The following ACOT11 variants were observed in gnomAD, a reference collection of about 807,000 sequenced individuals.
ACOT11 encodes the protein acyl-coenzyme A thioesterase 11.
A neutral mutation model predicts 77.5 loss-of-function variants in ACOT11; 69 were observed. The ratio of observed to expected loss-of-function variants is 0.89; its 90% CI spans 0.73 to 1.09. ACOT11 has a LOEUF of 1.09. Among genes scored for constraint, ACOT11 ranks in the 50% least tolerant of loss-of-function variants. ACOT11 has a pLI of 0.00. For synonymous variants in ACOT11, 279 were observed against 313.0 expected (o/e 0.89, Z 1.15); for missense variants, 766 against 813.7 (o/e 0.94, Z 0.71).
At chr1:54,560,699 A>G (rs1326280914) in intron 1 of ACOT11, among the ~76,000 whole-genome samples, 3 of 151,502 alleles carry the variant, frequency 2.0e-5, no homozygotes, top group Non-Finnish European at 4.4e-5. Context: ...AGCAACCAAA[A>G]GAACAATGTG....
chr1:54,623,142 A>T, intron 15 of ACOT11: 1 of 625,344 alleles, frequency 1.6e-6, no homozygotes, highest in Non-Finnish European at 2.8e-6. Context: ...GTGCCATTGT[A>T]CTCCAGCCTG....
intron 3 of ACOT11, among the ~76,000 whole-genome samples, chr1:54,592,340 C>T (rs1165329972): frequency 6.6e-6 from 1 of 152,224 alleles, no homozygotes; most frequent in Admixed American, 6.5e-5. Flanking sequence ...CTCTCAGCCT[C>T]AGCTTAACCA....
downstream of ACOT11, chr1:54,610,392 G>A: frequency 6.2e-7 from 1 of 1,610,694 alleles, no homozygotes; most frequent in Middle Eastern, 1.7e-4. Flanking sequence ...GGAGCACCGG[G>A]GCTGAAGGGT....
chr1:54,551,482 G>A (rs766403864), intron 1 of ACOT11, among the ~76,000 whole-genome samples: 11 of 152,156 alleles, frequency 7.2e-5, no homozygotes, highest in African/African-American at 2.7e-4. Context: ...GCCTCTCCCC[G>A]TGGAGAGCTC....
intron 11 of ACOT11, 113 bp downstream of exon 11, chr1:54,604,050 C>A: frequency 2.0e-6 from 2 of 987,418 alleles, no homozygotes; most frequent in Non-Finnish European, 3.2e-6. Flanking sequence ...ATGAATGACA[C>A]GCCTCATGAT....
At chr1:54,604,846 A>G (rs567667679) in intron 12 of ACOT11, among the ~76,000 whole-genome samples, 36 of 152,284 alleles carry the variant, frequency 2.4e-4, no homozygotes, top group African/African-American at 6.5e-4. Flanking sequence ...CCTGGCTGAC[A>G]GGAACCACCA....
At chr1:54,623,417 C>T (rs1253843964) in intron 15 of ACOT11, 3 of 1,583,488 alleles carry the variant, frequency 1.9e-6, no homozygotes, top group Middle Eastern at 1.7e-4. Flanking sequence ...CTGGGGAATG[C>T]CCCCAACTCC....
rs150466275 is a variant in ACOT11 at position 54,609,667 on chromosome 1, C to T, written c.*555C>T. ...CTCTGCCAGCCACATGGCCGGGGACCGAAAAACTCCCGTGGGAGATTTTGG... is the reference window on the plus strand; with the variant it reads ...CTCTGCCAGCCACATGGCCGGGGACTGAAAAACTCCCGTGGGAGATTTTGG... On this transcript the variant is annotated 3_prime_UTR_variant, in exon 16 of 16. Transcript: ENST00000343744. 39 of 1,613,942 alleles carry T rather than the reference C, an allele frequency of 2.4e-5. No individual in the cohort carries two copies. Among genetic ancestry groups the T allele is most frequent in the South Asian group, 1.2e-4 (11 of 91,084 alleles).
chr1:54,609,024 CCT>C lies in ACOT11; in HGVS notation c.1700_1701del (p.Ser567Ter). ...GTGACCACCAACGTGGCCGGCCTCT[CCT>C]CTGAGTTCTACACCACCTTCAAGGC... is the stretch of plus-strand genomic sequence containing the variant. On this transcript the variant is annotated frameshift_variant, in exon 16 of 16. Coordinates refer to ENST00000343744, the MANE Select transcript of ACOT11 (RefSeq NM_147161.4). LOFTEE classifies it high-confidence loss of function. 1 of 1,613,852 alleles carries C rather than the reference CCT, an allele frequency of 6.2e-7. No homozygotes were observed. Among genetic ancestry groups the C allele is most frequent in the South Asian group, 1.1e-5 (1 of 91,064 alleles).
At chr1:54,580,456 A>T (rs977684518) in intron 1 of ACOT11, among the ~76,000 whole-genome samples, 2 of 152,190 alleles carry the variant, frequency 1.3e-5, no homozygotes, top group African/African-American at 2.4e-5. Flanking sequence ...CCATCCAGGT[A>T]TGTAGAGCAT....
downstream of ACOT11, chr1:54,614,587 C>CTA (rs2101018274): frequency 1.8e-6 from 2 of 1,091,188 alleles, no homozygotes; most frequent in African/African-American, 3.2e-5. Context: ...AGAGGTGAGG[C>CTA]TATATATAGT....
At chr1:54,611,088 C>T (rs906655708), downstream of ACOT11, 2 of 881,164 alleles carry the variant, frequency 2.3e-6, no homozygotes, top group African/African-American at 3.6e-5. Context: ...AATTCCTGAA[C>T]TGTTTTGAGC....
chr1:54,635,338 T>C (rs774533197), exon 17 of ACOT11: 17 of 260,696 alleles, frequency 6.5e-5, no homozygotes, highest in Admixed American at 1.0e-4. Flanking sequence ...ATGGTAGAAA[T>C]GTTAAGTACG....
chr1:54,622,257 CAG>C (rs1179848197), intron 15 of ACOT11, among the ~76,000 whole-genome samples: 2 of 106,046 alleles, frequency 1.9e-5, no homozygotes, highest in South Asian at 3.4e-4. Flanking sequence ...GGCTGAGTGA[CAG>C]AGTGAGACTC....
rs114978007 is a variant in ACOT11, at chr1:54,566,800, C to T, written c.34-17855C>T. On this transcript the variant is annotated intron_variant, in intron 1 of 15. Transcript: ENST00000343744. ...GTCATTTGGAGCACCCACGTGTGGC[C>T]TCTTCAATATGACAGTCTTGGGATA... is the stretch of plus-strand genomic sequence containing the variant. Among the ~76,000 whole-genome samples, 729 of 152,246 alleles carry T rather than the reference C, an allele frequency of 4.8e-3. 8 individuals carry two copies. Among genetic ancestry groups the T allele is most frequent in the African/African-American group, 0.016 (684 of 41,536 alleles).
chr1:54,562,156 G>A (rs1273788843), intron 1 of ACOT11, among the ~76,000 whole-genome samples: 5 of 66,522 alleles, frequency 7.5e-5, no homozygotes, highest in Admixed American at 1.1e-4. Flanking sequence ...TCACTTCCCA[G>A]TAGGGGTGGC....
At chr1:54,572,520 G>A (rs1244215486) in intron 1 of ACOT11, among the ~76,000 whole-genome samples, 4 of 152,156 alleles carry the variant, frequency 2.6e-5, no homozygotes, top group African/African-American at 9.7e-5. Flanking sequence ...GGGGGTGACT[G>A]CCTGTGAACA....
chr1:54,606,608 C>T (rs547292066), intron 13 of ACOT11, among the ~76,000 whole-genome samples: 1 of 152,354 alleles, frequency 6.6e-6, no homozygotes, highest in East Asian at 1.9e-4. Flanking sequence ...GGCAGGTTAT[C>T]TTCCTCATCT....
chr1:54,627,891 G>C (rs545396794), intron 15 of ACOT11, among the ~76,000 whole-genome samples: 1 of 133,094 alleles, frequency 7.5e-6, no homozygotes, highest in African/African-American at 2.6e-5. Flanking sequence ...GTTTGGGAGC[G>C]TGAGTGGTGT....
Sources: gnomAD v4.1 joint callset for allele counts (sites outside exome capture counted in the v4.1 genomes callset) on GRCh38, gnomAD v4.1.1 for gene constraint, MANE v1.5 for transcripts, NCBI Gene and HGNC (gene_info 2026-07-23, HGNC 2026-07-21) for gene names.